Variants in DDX10 observed in about 807,000 individuals in gnomAD.
The protein encoded by DDX10 is probable ATP-dependent RNA helicase DDX10.
A neutral mutation model predicts 104.3 loss-of-function variants in DDX10; 74 were observed. That is an observed-to-expected ratio of 0.71 (90% CI 0.59 to 0.86). DDX10 has a LOEUF of 0.86. DDX10 is among the 40% of genes least tolerant of loss of function. The pLI is 0.00. For synonymous variants in DDX10, 351 were observed against 353.4 expected (o/e 0.99, Z 0.08); for missense variants, 952 against 1,040.0 (o/e 0.92, Z 1.16).
chr11:108,733,934 C>T (rs947047050), intron 13 of DDX10, among the ~76,000 whole-genome samples: 11 of 152,080 alleles, frequency 7.2e-5, no homozygotes, highest in Admixed American at 2.0e-4. Flanking sequence ...GACCATTCTT[C>T]CCAGTTTCCA....
intron 13 of DDX10, chr11:108,822,401 C>T: frequency 1.5e-5 from 6 of 400,676 alleles, no homozygotes; most frequent in Non-Finnish European, 3.0e-5. Flanking sequence ...TTAATGCTGG[C>T]AAAGATCATT....
intron 13 of DDX10, among the ~76,000 whole-genome samples, chr11:108,792,917 T>C (rs2134549679): frequency 6.6e-6 from 1 of 152,338 alleles, no homozygotes; most frequent in Non-Finnish European, 1.5e-5. Flanking sequence ...TTATTAGTTG[T>C]TTTCATTGTA....
rs755753469 is a variant in DDX10 at position 108,723,329 on chromosome 11, G to C, written c.1832G>C (p.Ser611Thr). The C allele has an allele frequency of 5.6e-6, 9 of 1,613,976 alleles. No individual in the cohort carries two copies. Among genetic ancestry groups the C allele is most frequent in the Non-Finnish European group, 7.6e-6 (9 of 1,179,934 alleles). The change falls in exon 13 of 18, where the codon AGT (serine) becomes ACT (threonine). Residue 611 changes from serine (S) to threonine (T), a missense_variant. By Grantham distance (58) the Ser-to-Thr change is moderately conservative. Around this residue, in one of 3 missense-constraint regions of DDX10, gnomAD observed 533 missense variants for 534.1 expected, o/e 1.00. Coordinates refer to ENST00000322536, the MANE Select transcript of DDX10 (RefSeq NM_004398.4). ...GSQAPSLPNTSEAQKIKEVPT... is the reference protein window; with the variant it reads ...GSQAPSLPNTTEAQKIKEVPT... ...CAAGCCCCATCTCTTCCTAACACCA[G>C]TGAGGCACAGAAGATCAAGGAAGTT... is the stretch of plus-strand genomic sequence containing the variant.
intron 16 of DDX10, among the ~76,000 whole-genome samples, chr11:108,887,382 T>C (rs1863312091): frequency 6.6e-6 from 1 of 152,024 alleles, no homozygotes; most frequent in African/African-American, 2.4e-5. Context: ...TTTTCTTTTA[T>C]ATTTGTCTGT....
chr11:108,847,662 A>G (rs1443748226), intron 15 of DDX10, among the ~76,000 whole-genome samples: 1 of 152,214 alleles, frequency 6.6e-6, no homozygotes, highest in African/African-American at 2.4e-5. Context: ...CAGATGACTT[A>G]ACCATAAATT....
chr11:108,899,223 T>G (rs186722428), intron 16 of DDX10, among the ~76,000 whole-genome samples: 2,384 of 139,374 alleles, frequency 0.017, 30 homozygotes, highest in Middle Eastern at 0.059. Flanking sequence ...CTTTATTGGG[T>G]TTTTTTTTTC....
At chr11:108,936,112 A>G (rs1483221358) in intron 17 of DDX10, among the ~76,000 whole-genome samples, 2 of 152,184 alleles carry the variant, frequency 1.3e-5, no homozygotes, top group Non-Finnish European at 2.9e-5. Flanking sequence ...ACCTTTTCCC[A>G]TACATCTGTA....
At chr11:108,694,041 G>A (rs902766039) in intron 9 of DDX10, among the ~76,000 whole-genome samples, 10 of 152,268 alleles carry the variant, frequency 6.6e-5, no homozygotes, top group African/African-American at 1.4e-4. Flanking sequence ...GGTCTTAAGC[G>A]TGCATATGCT....
chr11:108,885,861 T>G (rs1198715437), intron 16 of DDX10, among the ~76,000 whole-genome samples: 1 of 152,154 alleles, frequency 6.6e-6, no homozygotes, highest in Non-Finnish European at 1.5e-5. Flanking sequence ...GGCCAAAATT[T>G]AAGAATAATC....
Position 108,806,783 on chromosome 11 carries a change from A to C in DDX10, c.1966-31663A>C, listed in dbSNP as rs1422835505. Among the ~76,000 whole-genome samples the C allele has an allele frequency of 2.6e-5, 4 of 152,122 alleles. 1 individual carries two copies. Among genetic ancestry groups the C allele is most frequent in the Admixed American group, 2.0e-4 (3 of 15,278 alleles). Reference sequence around the variant, plus strand: ...TCTAAGAGGTGGGGAAGAATTCTAAATAGAGGGGGGACTGTGTGAAGGCCT... The same window carrying C: ...TCTAAGAGGTGGGGAAGAATTCTAACTAGAGGGGGGACTGTGTGAAGGCCT... On this transcript the variant is annotated intron_variant, in intron 13 of 17. Coordinates refer to ENST00000322536, the MANE Select transcript of DDX10 (RefSeq NM_004398.4).
At chr11:108,729,707 G>A (rs2094309690) in intron 13 of DDX10, 1 of 152,072 alleles carries the variant, frequency 6.6e-6, no homozygotes, top group African/African-American at 2.4e-5. Flanking sequence ...ATCCCTCTGA[G>A]GTGGGAGGAC....
intron 17 of DDX10, among the ~76,000 whole-genome samples, chr11:108,936,438 T>A (rs1864038525): frequency 6.6e-6 from 1 of 152,146 alleles, no homozygotes; most frequent in Non-Finnish European, 1.5e-5. Flanking sequence ...ACCCAGAACT[T>A]CAAATTTAAT....
intron 13 of DDX10, among the ~76,000 whole-genome samples, chr11:108,801,297 A>T (rs1177081154): frequency 1.3e-5 from 2 of 152,200 alleles, no homozygotes; most frequent in Non-Finnish European, 2.9e-5. Flanking sequence ...ATATTTTGTA[A>T]ACTGCCATAG....
At chr11:108,852,664 A>G (rs1345243601) in intron 16 of DDX10, among the ~76,000 whole-genome samples, 1 of 152,216 alleles carries the variant, frequency 6.6e-6, no homozygotes, top group Non-Finnish European at 1.5e-5. Flanking sequence ...AGCATTCTGT[A>G]TCTCCCACTT....
chr11:108,890,557 C>T (rs114014751), intron 16 of DDX10, among the ~76,000 whole-genome samples: 3,103 of 147,828 alleles, frequency 0.021, 110 homozygotes, highest in African/African-American at 0.071. Context: ...ATGAGTTTTT[C>T]AAATGCCACT....
intron 17 of DDX10, among the ~76,000 whole-genome samples, chr11:108,935,507 C>T (rs757239306): frequency 6.6e-6 from 1 of 151,988 alleles, no homozygotes; most frequent in Non-Finnish European, 1.5e-5. Context: ...ACAATGGGCT[C>T]AAAAGAGAAA....
At chr11:108,709,667 T>C (rs1271544071) in intron 10 of DDX10, among the ~76,000 whole-genome samples, 2 of 152,242 alleles carry the variant, frequency 1.3e-5, no homozygotes, top group African/African-American at 4.8e-5. Flanking sequence ...CCTTTTGTTT[T>C]CTTAGTATGG....
chr11:108,848,198 C>G (rs1306511177), intron 15 of DDX10, among the ~76,000 whole-genome samples: 2 of 152,140 alleles, frequency 1.3e-5, no homozygotes, highest in African/African-American at 4.8e-5. Context: ...AGACTCCATA[C>G]TAATACCACT....
At chr11:108,878,161 A>G (rs1863177579) in intron 16 of DDX10, among the ~76,000 whole-genome samples, 1 of 152,210 alleles carries the variant, frequency 6.6e-6, no homozygotes, top group East Asian at 1.9e-4. Flanking sequence ...ACAGGACAAG[A>G]TATTTCAGTG....
Sources: allele counts gnomAD v4.1 joint callset (sites outside exome capture counted in the v4.1 genomes callset), GRCh38; gene constraint gnomAD v4.1.1; regional missense constraint gnomAD v4.1.1; transcripts MANE v1.5; gene names NCBI Gene and HGNC (gene_info 2026-07-23, HGNC 2026-07-21).